Variants in ACAP1 observed in about 807,000 individuals in gnomAD.
ACAP1 encodes ArfGAP with coiled-coil, ankyrin repeat and PH domains 1.
In ACAP1, 45 loss-of-function variants were observed where a neutral mutation model predicts 98.8. The ratio of observed to expected loss-of-function variants is 0.46; its 90% CI spans 0.36 to 0.58. The LOEUF (loss-of-function observed/expected upper bound fraction) is 0.58, where lower values mean the gene tolerates loss of function less well. Among genes scored for constraint, ACAP1 ranks in the 20% least tolerant of loss-of-function variants. The pLI is 0.00. For synonymous variants in ACAP1, 362 were observed against 375.3 expected, an observed-to-expected ratio of 0.96 and a Z score of 0.41; for missense variants, 735 against 971.4, an observed-to-expected ratio of 0.76 and a Z score of 3.24.
chr17:7,351,242 T>TGCC (rs2073406970), intron 21 of ACAP1, 53 bp from the exon 22 acceptor site: 1 of 1,468,994 alleles, frequency 6.8e-7, no homozygotes, highest in Non-Finnish European at 9.4e-7. Context: ...CGCCGGATCC[T>TGCC]GCCCTTCTGC....
Position 7,350,313 on chromosome 17 carries a change from C to T in ACAP1, c.2072+76C>T. The stretch of plus-strand genomic sequence containing the variant: ...GCCCACCCACGTTCGGGCGGGCGGG[C>T]GGGGCTGACGCCGAAACAGAAGCCT... On this transcript the variant is annotated intron_variant, in intron 20 of 21. Transcript: ENST00000158762. The surrounding 1 kb of genome is among the most constrained non-coding windows in gnomAD (Gnocchi z 4.6). 2.3e-6 allele frequency: 2 copies of T among 861,438 alleles called. No homozygotes were observed. The highest frequency in any genetic ancestry group is 3.5e-6 in the Non-Finnish European group (2 of 568,726). The allele number at this position is 861,438 out of a possible 1,614,324, so 53.4% of individuals were successfully genotyped here. A position where few individuals can be genotyped will look rare whatever the true frequency, so the allele number is the denominator to read the frequency against.
intron 1 of ACAP1, 97 bp downstream of exon 1, chr17:7,336,884 A>G: frequency 7.2e-7 from 1 of 1,386,572 alleles, no homozygotes; most frequent in Non-Finnish European, 1.0e-6. Context: ...TCCAGGGAGC[A>G]GGCCTCTAAG....
intron 14 of ACAP1, 109 bp downstream of exon 14, chr17:7,347,351 T>G: frequency 8.9e-7 from 1 of 1,119,314 alleles, no homozygotes. Context: ...TGGCTTCCTC[T>G]CTTAGCTTCT....
At chr17:7,342,186 T>C in intron 3 of ACAP1, 89 bp from the exon 4 acceptor site, 1 of 1,608,892 alleles carries the variant, frequency 6.2e-7, no homozygotes. Flanking sequence ...TGGGCTGCTG[T>C]CCATGACAGC....
At position 7,344,556 on chromosome 17, in the gene ACAP1, G is replaced by A. The variant is rs1348654168; in HGVS notation, c.762G>A (p.Glu254=). The change falls in exon 10 of 22, where the codon GAG becomes GAA. Residue 254 remains glutamate (E), a synonymous_variant. Coordinates refer to ENST00000158762, the MANE Select transcript of ACAP1 (RefSeq NM_014716.4). This position sits in a 1 kb window ranked among gnomAD's most constrained non-coding sequence, Gnocchi z 4.9. ...LLKQKELGGE[E]PEPSLREGPG... ...GCCTCCAGGAGCTGGGTGGGGAGGA[G>A]CCAGAACCAAGCTTAAGAGAGGGGC... 3 of 1,551,034 alleles carry A rather than the reference G, an allele frequency of 1.9e-6. No homozygotes were observed. The East Asian group carries it at 7.3e-5, about 38-fold the overall frequency.
intron 17 of ACAP1, 141 bp downstream of exon 17, chr17:7,348,616 C>T (rs1402395599): frequency 1.1e-5 from 10 of 945,138 alleles, no homozygotes; most frequent in South Asian, 4.4e-5. Context: ...TCAGGGGTTA[C>T]GGTGGAGTGT....
Position 7,350,126 on chromosome 17 carries a change from G to A in ACAP1, c.1962-1G>A. The A allele has an allele frequency of 6.2e-7, 1 of 1,614,214 alleles. No individual in the cohort carries two copies. The highest frequency in any genetic ancestry group is 8.5e-7 in the Non-Finnish European group (1 of 1,180,010). ...CGGCTGACCCTGGCTCTTCTCTCCA[G>A]GCTCGCCTGCCTGTTCCTGAAACGG... On this transcript the variant is annotated splice_acceptor_variant, in intron 19 of 21. Transcript: ENST00000158762. LOFTEE classifies it high-confidence loss of function. The surrounding 1 kb of genome is among the most constrained non-coding windows in gnomAD (Gnocchi z 4.6).
At position 7,336,631 on chromosome 17, in the gene ACAP1, C is replaced by T. The variant is rs1017747778; in HGVS notation, c.-104C>T. ...GCCCTTCCCCGCGGAGGTCCCTCTC[C>T]TCCTTCCCCCTCATCTCCCCTTCCT... On this transcript the variant is annotated 5_prime_UTR_variant, in exon 1 of 22. Transcript: ENST00000158762. 8 of 1,272,054 alleles carry T rather than the reference C, an allele frequency of 6.3e-6. No individual in the cohort carries two copies. Among genetic ancestry groups the T allele is most frequent in the Non-Finnish European group, 9.1e-6 (8 of 875,822 alleles). 78.8% of individuals were successfully genotyped at this position (1,272,054 alleles called of 1,614,324 possible).
At chr17:7,336,894 G>C (rs890470646) in intron 1 of ACAP1, 107 bp downstream of exon 1, 15 of 1,290,356 alleles carry the variant, frequency 1.2e-5, no homozygotes, top group Non-Finnish European at 1.1e-6. Context: ...AGGCCTCTAA[G>C]AGGCAGGAGC....
At position 7,343,139 on chromosome 17, in the gene ACAP1, A is replaced by C. The variant is rs2073307899; in HGVS notation, c.345-240A>C. ...TAAAGGGGGAGTGAGATGGGAGAGA[A>C]GGGGGCCTTATTTCTCGGAAACCAG... On this transcript the variant is annotated intron_variant, in intron 5 of 21. Coordinates refer to ENST00000158762, the MANE Select transcript of ACAP1 (RefSeq NM_014716.4). This position sits in a 1 kb window ranked among gnomAD's most constrained non-coding sequence, Gnocchi z 4.9. 4 of 469,396 alleles carry C rather than the reference A, an allele frequency of 8.5e-6. No individual in the cohort carries two copies. The highest frequency in any genetic ancestry group is 1.5e-5 in the Non-Finnish European group (4 of 266,248). The allele number at this position is 469,396 out of a possible 1,614,324, so 29.1% of individuals were successfully genotyped here. A position where few individuals can be genotyped will look rare whatever the true frequency, so the allele number is the denominator to read the frequency against.
chr17:7,342,797 A>G (rs1209407887), intron 5 of ACAP1: 1 of 390,384 alleles, frequency 2.6e-6, no homozygotes, highest in Non-Finnish European at 4.8e-6. Flanking sequence ...AATCCCAGCT[A>G]CTCAGGAGGC....
intron 5 of ACAP1, chr17:7,342,814 A>C: frequency 2.8e-6 from 1 of 356,936 alleles, no homozygotes. Context: ...AGGCCGAGGC[A>C]GGAGAATCAT....
chr17:7,346,942 C>A lies in ACAP1; in HGVS notation c.1131+11C>A. ...CGGGGTCCAGGCCAGGTACCTTAAC[C>A]TGGGGGTGCGGAGCCAGGCTGCCTG... On this transcript the variant is annotated intron_variant, in intron 13 of 21. Coordinates refer to ENST00000158762, the MANE Select transcript of ACAP1 (RefSeq NM_014716.4). 1 of 1,606,934 alleles carries A rather than the reference C, an allele frequency of 6.2e-7. No homozygotes were observed.
Position 7,342,037 on chromosome 17 carries a change from C to G in ACAP1, c.201C>G (p.Ala67=), listed in dbSNP as rs771118381. The G allele has an allele frequency of 6.2e-7, 1 of 1,614,116 alleles. No homozygotes were observed. Among genetic ancestry groups the G allele is most frequent in the Admixed American group, 1.7e-5 (1 of 60,030 alleles). The change falls in exon 3 of 22, where the codon GCC becomes GCG. Residue 67 remains alanine (A), a synonymous_variant. Coordinates refer to ENST00000158762, the MANE Select transcript of ACAP1 (RefSeq NM_014716.4). ...RAFVVGICDL[A]RLGPPEPMMA... ...TCGTTGTCGGCATTTGTGACCTGGC[C>G]CGCCTGGGTCCACCAGAGCCCATGA...
At chr17:7,346,523 T>C (rs758166786) in intron 12 of ACAP1, 32 bp downstream of exon 12, 1 of 1,534,378 alleles carries the variant, frequency 6.5e-7, no homozygotes, top group Middle Eastern at 1.7e-4. Flanking sequence ...GATACTCTAA[T>C]ATATCTAAAC....
intron 10 of ACAP1, 166 bp from the exon 11 acceptor site, chr17:7,346,078 A>C: frequency 1.4e-6 from 1 of 696,184 alleles, no homozygotes; most frequent in Non-Finnish European, 2.6e-6. Context: ...CATCCTTTAG[A>C]TGTTCCAATC....
chr17:7,349,918 AC>A (rs745712812), intron 18 of ACAP1, 26 bp from the exon 19 acceptor site: 5 of 1,558,176 alleles, frequency 3.2e-6, no homozygotes, highest in East Asian at 2.3e-5. Context: ...GCCACCCTCA[AC>A]CCCCCTTCTC....
At chr17:7,342,723 A>C in intron 5 of ACAP1, 1 of 555,644 alleles carries the variant, frequency 1.8e-6, no homozygotes, top group African/African-American at 1.9e-5. Context: ...AACATGGCAA[A>C]ACCCCAGCTC....
intron 21 of ACAP1, 62 bp downstream of exon 21, chr17:7,351,061 C>T: frequency 1.3e-6 from 2 of 1,501,252 alleles, no homozygotes; most frequent in Non-Finnish European, 1.9e-6. Context: ...TTCTGGTCCA[C>T]GGTGACCTCT....
Sources: allele counts gnomAD v4.1 joint callset, GRCh38; gene constraint gnomAD v4.1.1; non-coding constraint Gnocchi (gnomAD v3.1); transcripts MANE v1.5; gene names NCBI Gene and HGNC (gene_info 2026-07-23, HGNC 2026-07-21).